ASAP1: variants seen among roughly 807,000 people sequenced by gnomAD.
ASAP1 encodes the protein ArfGAP with SH3 domain, ankyrin repeat and PH domain 1.
Under a neutral mutation model 145.2 loss-of-function variants are expected in ASAP1, and 43 were observed. The ratio of observed to expected loss-of-function variants is 0.30; its 90% CI spans 0.23 to 0.38. ASAP1 has a LOEUF of 0.38. ASAP1 is among the 10% of genes least tolerant of loss of function. The pLI is 1.00. For missense variants in ASAP1, 1,018 were observed against 1,355.3 expected, an observed-to-expected ratio of 0.75 and a Z score of 3.91; for synonymous variants, 546 against 515.5, an observed-to-expected ratio of 1.06 and a Z score of -0.80.
intron 13 of ASAP1, among the ~76,000 whole-genome samples, chr8:130,143,068 T>C (rs983965756): frequency 2.6e-5 from 4 of 152,206 alleles, no homozygotes; most frequent in African/African-American, 9.7e-5. Context: ...TTACCTACTA[T>C]GTGAATTATT....
chr8:130,313,692 TA>T (rs1481433151), intron 3 of ASAP1, among the ~76,000 whole-genome samples: 1 of 152,226 alleles, frequency 6.6e-6, no homozygotes, highest in East Asian at 1.9e-4. Flanking sequence ...CTTCACTGCC[TA>T]AAACCATCAG....
rs184796753 is a variant in ASAP1 at position 130,252,185 on chromosome 8, A to T, written c.187-15191T>A. Among the ~76,000 whole-genome samples the T allele has an allele frequency of 7.4e-4, 112 of 152,332 alleles. 1 individual carries two copies. The highest frequency in any genetic ancestry group is 7.5e-4 in the Non-Finnish European group (51 of 68,012). On this transcript the variant is annotated intron_variant, in intron 3 of 29. Transcript: ENST00000518721. ...AAAAATTATGTATGGAACAAATTAG[A>T]ATGGACAAAGGTCTATCATTTATTG...
chr8:130,215,770 A>G (rs899935548), intron 4 of ASAP1, among the ~76,000 whole-genome samples: 1 of 151,580 alleles, frequency 6.6e-6, no homozygotes, highest in Non-Finnish European at 1.5e-5. Flanking sequence ...CAACAACAAA[A>G]AACAATTAGC....
intron 27 of ASAP1, among the ~76,000 whole-genome samples, chr8:130,066,913 C>T (rs2097432081): frequency 6.6e-6 from 1 of 152,170 alleles, no homozygotes; most frequent in Non-Finnish European, 1.5e-5. Flanking sequence ...TGGGTACAGG[C>T]CCTTTCCCAA....
intron 4 of ASAP1, among the ~76,000 whole-genome samples, chr8:130,226,186 A>C (rs756786030): frequency 6.6e-6 from 1 of 151,906 alleles, no homozygotes; most frequent in Non-Finnish European, 1.5e-5. Context: ...GTTCCTGTTC[A>C]TCATCAGATA....
intron 3 of ASAP1, among the ~76,000 whole-genome samples, chr8:130,291,197 T>C (rs891339800): frequency 2.6e-5 from 4 of 152,184 alleles, no homozygotes; most frequent in Non-Finnish European, 2.9e-5. Context: ...TCTTAGAATG[T>C]GAATGTCAAA....
intron 3 of ASAP1, among the ~76,000 whole-genome samples, chr8:130,244,108 G>A (rs1373070677): frequency 1.3e-5 from 2 of 152,158 alleles, no homozygotes; most frequent in African/African-American, 4.8e-5. Context: ...AGATCACCCT[G>A]TTGTAATCTT....
At chr8:130,256,664 A>G (rs1349881909) in intron 3 of ASAP1, among the ~76,000 whole-genome samples, 2 of 150,174 alleles carry the variant, frequency 1.3e-5, no homozygotes, top group African/African-American at 2.5e-5. Context: ...TTTAGAACAT[A>G]TTTAAAGAAA....
intron 4 of ASAP1, among the ~76,000 whole-genome samples, chr8:130,232,928 C>A (rs368100010): frequency 1.3e-5 from 2 of 152,138 alleles, no homozygotes; most frequent in Non-Finnish European, 2.9e-5. Flanking sequence ...CTGGATGAGG[C>A]CAAAAGCCCT....
intron 1 of ASAP1, among the ~76,000 whole-genome samples, chr8:130,416,374 G>A (rs1241777963): frequency 6.6e-6 from 1 of 152,206 alleles, no homozygotes; most frequent in Non-Finnish European, 1.5e-5. Flanking sequence ...GTAAATGTTT[G>A]TTGAATGAAT....
At chr8:130,314,536 G>T (rs143030945) in intron 3 of ASAP1, among the ~76,000 whole-genome samples, 240 of 152,300 alleles carry the variant, frequency 1.6e-3, no homozygotes, top group African/African-American at 5.4e-3. Flanking sequence ...AATACTAAGT[G>T]CTGTATCAAG....
intron 4 of ASAP1, among the ~76,000 whole-genome samples, chr8:130,235,518 C>T (rs1818163275): frequency 6.6e-6 from 1 of 152,046 alleles, no homozygotes; most frequent in South Asian, 2.1e-4. Flanking sequence ...TAAGGGCCTA[C>T]CACAGTGTGG....
At chr8:130,129,829 T>G (rs891540743) in intron 15 of ASAP1, among the ~76,000 whole-genome samples, 2 of 152,234 alleles carry the variant, frequency 1.3e-5, no homozygotes, top group African/African-American at 2.4e-5. Context: ...ACTGAACATT[T>G]CAAAACCAAG....
At chr8:130,202,049 G>A (rs1815903050) in intron 5 of ASAP1, among the ~76,000 whole-genome samples, 1 of 152,220 alleles carries the variant, frequency 6.6e-6, no homozygotes, top group Non-Finnish European at 1.5e-5. Context: ...ACTGACAGGA[G>A]GTCAAAGCCA....
intron 27 of ASAP1, among the ~76,000 whole-genome samples, chr8:130,065,479 A>G (rs186382442): frequency 5.0e-4 from 76 of 152,316 alleles, no homozygotes; most frequent in African/African-American, 1.7e-3. Flanking sequence ...GGAAAAGATT[A>G]GAGTCCTGCC....
chr8:130,093,748 T>TCCAGAAGGG lies in ASAP1; in HGVS notation c.2402-1614_2402-1606dup, dbSNP rs1301563119. On this transcript the variant is annotated intron_variant, in intron 24 of 29. Coordinates refer to ENST00000518721, the MANE Select transcript of ASAP1 (RefSeq NM_018482.4). ...ACACAGATTAGTAGATACCTAGTAA[T>TCCAGAAGGG]CCAGAAGGGCTCCAAAAGAGCTTTA... Among the ~76,000 whole-genome samples the TCCAGAAGGG allele has an allele frequency of 4.1e-5, 6 of 146,570 alleles. No individual in the cohort carries two copies. The East Asian group carries it at 1.3e-3, about 31-fold the overall frequency.
At chr8:130,170,041 C>T (rs1011045144) in intron 9 of ASAP1, among the ~76,000 whole-genome samples, 2 of 152,216 alleles carry the variant, frequency 1.3e-5, no homozygotes, top group East Asian at 3.8e-4. Context: ...CATGTCCCTA[C>T]AGCAGACTAT....
chr8:130,443,315 C>G (rs1337463322), intron 1 of ASAP1, 145 bp downstream of exon 1: 1 of 151,826 alleles, frequency 6.6e-6, no homozygotes, highest in Non-Finnish European at 1.5e-5. Flanking sequence ...CGGAGAAGGA[C>G]ACCCCGCTGC....
At chr8:130,179,462 T>A in intron 8 of ASAP1, 113 bp from the exon 9 acceptor site, 1 of 666,276 alleles carries the variant, frequency 1.5e-6, no homozygotes, top group Non-Finnish European at 2.7e-6. Context: ...CAAGCCTTGG[T>A]GTCCTTTAGA....
Sources: gnomAD v4.1 joint callset for allele counts (sites outside exome capture counted in the v4.1 genomes callset) on GRCh38, gnomAD v4.1.1 for gene constraint, MANE v1.5 for transcripts, NCBI Gene and HGNC (gene_info 2026-07-23, HGNC 2026-07-21) for gene names.